MZF1: variants seen among roughly 807,000 people sequenced by gnomAD.
The protein encoded by MZF1 is myeloid zinc finger 1, also known as zinc finger and SCAN domain-containing protein 6.
In MZF1, 24 loss-of-function variants were observed where a neutral mutation model predicts 28.6. The observed-to-expected ratio is 0.84, with a 90% CI of 0.61 to 1.18. The LOEUF (loss-of-function observed/expected upper bound fraction) is 1.18, where lower values mean the gene tolerates loss of function less well. Ranked by LOEUF, MZF1 falls within the 50% of genes most tolerant of loss-of-function variation. The pLI is 0.00. For missense variants in MZF1, 1,166 were observed against 1,026.4 expected, an observed-to-expected ratio of 1.14 and a Z score of -1.86; for synonymous variants, 516 against 432.5, an observed-to-expected ratio of 1.19 and a Z score of -2.40.
Position 58,571,037 on chromosome 19 carries a change from AG to A in MZF1, c.352del (p.Leu118Ter). On this transcript the variant is annotated frameshift_variant, in exon 2 of 6. Coordinates refer to ENST00000215057, the MANE Select transcript of MZF1 (RefSeq NM_198055.2). LOFTEE classifies it high-confidence loss of function. The part of the protein sequence containing the change: ...RPGSPEEAAA[L>X]VDGLRREPGG... ...CGGCTCCCGGCGCAGCCCATCTACTAGGGCAGCAGCCTCCTCGGGGCTGCCT... is the reference window on the plus strand; with the variant it reads ...CGGCTCCCGGCGCAGCCCATCTACTAGGCAGCAGCCTCCTCGGGGCTGCCT... 6.2e-7 allele frequency: 1 copy of A among 1,612,562 alleles called. No individual in the cohort carries two copies.
chr19:58,562,381 C>T lies in MZF1; in HGVS notation c.1896G>A (p.Leu632=). 6.2e-7 allele frequency: 1 copy of T among 1,609,432 alleles called. No homozygotes were observed. Among genetic ancestry groups the T allele is most frequent in the Non-Finnish European group, 8.5e-7 (1 of 1,178,348 alleles). The change falls in exon 6 of 6, where the codon CTG becomes CTA. Residue 632 remains leucine (L), a synonymous_variant. Coordinates refer to ENST00000215057, the MANE Select transcript of MZF1 (RefSeq NM_198055.2). ...EKPYHCGECG[L]GFTQVSRLTE... ...TGAGCCGCGAGACCTGCGTGAAGCC[C>T]AGGCCGCACTCACCGCAGTGGTAGG... is the stretch of plus-strand genomic sequence containing the variant.
intron 2 of MZF1, chr19:58,570,733 G>A (rs188354983): frequency 3.9e-5 from 26 of 665,922 alleles, no homozygotes; most frequent in East Asian, 3.3e-4. Context: ...CTCTGACATC[G>A]TGGCCTTCCA....
Position 58,562,297 on chromosome 19 carries a change from C to G in MZF1, c.1980G>C (p.Gln660His). 6.2e-7 allele frequency: 1 copy of G among 1,609,716 alleles called. No individual in the cohort carries two copies. The highest frequency in any genetic ancestry group is 8.5e-7 in the Non-Finnish European group (1 of 1,178,954). ...TGAGGTTGGCGTGCTGCCGAAAGCT[C>G]TGGCCGCACTCGGGGCAGGCGAAGG... The part of the protein sequence containing the change: ...ERPFACPECG[Q>H]SFRQHANLTQ... The change falls in exon 6 of 6, where the codon CAG becomes CAC. Residue 660 changes from glutamine (Q) to histidine (H), a missense_variant. Physicochemically the swap from Gln to His is conservative, Grantham distance 24. Coordinates refer to ENST00000215057, the MANE Select transcript of MZF1 (RefSeq NM_198055.2).
At chr19:58,565,066 G>A (rs560610936) in intron 5 of MZF1, among the ~76,000 whole-genome samples, 15 of 150,080 alleles carry the variant, frequency 1.0e-4, no homozygotes, top group African/African-American at 1.7e-4. Context: ...GATTATAGGC[G>A]TGCACCACCA....
chr19:58,564,902 G>GTGTTTTT (rs1568680296), intron 5 of MZF1, among the ~76,000 whole-genome samples: 1 of 41,996 alleles, frequency 2.4e-5, no homozygotes, highest in Non-Finnish European at 4.9e-5. Context: ...CCATGTGTGT[G>GTGTTTTT]TTTTTTTTTT....
chr19:58,565,364 G>A (rs1242663428), intron 5 of MZF1, among the ~76,000 whole-genome samples: 11 of 148,022 alleles, frequency 7.4e-5, no homozygotes, highest in Non-Finnish European at 1.3e-4. Context: ...AAAGTGCTGG[G>A]ATTGCAGGCG....
chr19:58,562,974 T>A lies in MZF1; in HGVS notation c.1303A>T (p.Thr435Ser). 6.2e-7 allele frequency: 1 copy of A among 1,601,968 alleles called. No homozygotes were observed. The highest frequency in any genetic ancestry group is 8.5e-7 in the Non-Finnish European group (1 of 1,179,588). Reference protein sequence around the residue: ...ARLEEHRRVHTGEQPFRCAEC... With the variant: ...ARLEEHRRVHSGEQPFRCAEC... ...GCGCAACGGAAAGGCTGTTCGCCCG[T>A]GTGCACTCTCCGATGCTCTTCCAGG... The change falls in exon 6 of 6, where the codon ACG (threonine) becomes TCG (serine). Residue 435 changes from threonine (T) to serine (S), a missense_variant. Physicochemically the swap from Thr to Ser is moderately conservative, Grantham distance 58. Coordinates refer to ENST00000215057, the MANE Select transcript of MZF1 (RefSeq NM_198055.2).
chr19:58,563,322 C>T lies in MZF1; in HGVS notation c.955G>A (p.Asp319Asn). ...CCCACACCCCGGCAGGGATCCTCGT[C>T]CGTGGGGTCCTGTTCACTCCTCAGA... ...SDLRSEQDPTDEDPCRGVGPA... is the reference protein window; with the variant it reads ...SDLRSEQDPTNEDPCRGVGPA... The change falls in exon 6 of 6, where the codon GAC (aspartate) becomes AAC (asparagine). Residue 319 changes from aspartate to asparagine, a missense_variant. Coordinates refer to ENST00000215057, the MANE Select transcript of MZF1 (RefSeq NM_198055.2). 4 of 1,609,152 alleles carry T rather than the reference C, an allele frequency of 2.5e-6. No individual in the cohort carries two copies. The highest frequency in any genetic ancestry group is 3.4e-6 in the Non-Finnish European group (4 of 1,178,208).
At chr19:58,569,785 C>G (rs962072842) in intron 3 of MZF1, 199 bp from the exon 4 acceptor site, 5 of 561,618 alleles carry the variant, frequency 8.9e-6, no homozygotes, top group Non-Finnish European at 1.6e-5. Context: ...AGGGGTTGAG[C>G]TGCAGTGGGA....
chr19:58,563,568 C>T, intron 5 of MZF1, 64 bp from the exon 6 acceptor site: 1 of 1,350,892 alleles, frequency 7.4e-7, no homozygotes, highest in African/African-American at 1.5e-5. Context: ...CCCACTTCAT[C>T]CCTGGGGACA....
intron 3 of MZF1, chr19:58,570,041 C>T (rs1210770186): frequency 2.0e-5 from 7 of 343,524 alleles, no homozygotes; most frequent in Admixed American, 4.4e-5. Context: ...TATTGCCTAA[C>T]GCATCTCCTT....
chr19:58,563,260 C>A lies in MZF1; in HGVS notation c.1017G>T (p.Arg339Ser). ...ALITTRWRSP[R>S]GRSRGRPSTG... ...TGCTGGGGCGGCCCCGGCTCCGGCC[C>A]CTGGGGGAGCGCCAGCGGGTGGTGA... is the stretch of plus-strand genomic sequence containing the variant. Residue 339 changes from arginine to serine, a missense_variant, in exon 6 of 6, where the codon AGG becomes AGT. Physicochemically the swap from Arg to Ser is moderately radical, Grantham distance 110 (BLOSUM62 -1). Transcript: ENST00000215057. 1 of 1,607,274 alleles carries A rather than the reference C, an allele frequency of 6.2e-7. No individual in the cohort carries two copies. The highest frequency in any genetic ancestry group is 8.5e-7 in the Non-Finnish European group (1 of 1,177,366).
At chr19:58,564,953 CTG>C (rs1299721465) in intron 5 of MZF1, among the ~76,000 whole-genome samples, 9 of 102,404 alleles carry the variant, frequency 8.8e-5, no homozygotes, top group African/African-American at 3.4e-4. Flanking sequence ...CTGAGTCTTG[CTG>C]TGTCGCCCAG....
chr19:58,562,537 C>G lies in MZF1; in HGVS notation c.1740G>C (p.Gln580His), dbSNP rs2053949576. 1 of 1,608,030 alleles carries G rather than the reference C, an allele frequency of 6.2e-7. No homozygotes were observed. Among genetic ancestry groups the G allele is most frequent in the Non-Finnish European group, 8.5e-7 (1 of 1,178,214 alleles). The part of the protein sequence containing the change: ...ACAECGKAFR[Q>H]RPTLTQHLRV... Reference sequence around the variant, plus strand: ...GGAGATGCTGCGTGAGCGTAGGCCGCTGGCGGAAGGCCTTGCCACACTCGG... The same window carrying G: ...GGAGATGCTGCGTGAGCGTAGGCCGGTGGCGGAAGGCCTTGCCACACTCGG... The change falls in exon 6 of 6, where the codon CAG becomes CAC. Residue 580 changes from glutamine to histidine, a missense_variant. Coordinates refer to ENST00000215057, the MANE Select transcript of MZF1 (RefSeq NM_198055.2).
chr19:58,564,914 T>TG (rs1568680428), intron 5 of MZF1, among the ~76,000 whole-genome samples: 9 of 70,200 alleles, frequency 1.3e-4, no homozygotes, highest in South Asian at 4.6e-4. Context: ...TTTTTTTTTT[T>TG]TTTTTTTTTT....
Position 58,571,090 on chromosome 19 carries a change from G to T in MZF1, c.300C>A (p.Ile100=), listed in dbSNP as rs761148494. The T allele has an allele frequency of 1.9e-6, 3 of 1,613,740 alleles. No homozygotes were observed. Among genetic ancestry groups the T allele is most frequent in the African/African-American group, 1.3e-5 (1 of 74,942 alleles). The change falls in exon 2 of 6, where the codon ATC becomes ATA. Residue 100 remains isoleucine, a synonymous_variant. Coordinates refer to ENST00000215057, the MANE Select transcript of MZF1 (RefSeq NM_198055.2). ...EQFLGALPPE[I]QARVQGQRPG... is the part of the protein sequence containing the mutation. ...GCCGCTGCCCCTGCACACGGGCCTG[G>T]ATCTCAGGGGGCAGTGCGCCCAGGA...
At position 58,562,823 on chromosome 19, in the gene MZF1, AAGGGGCCGGGAGGCTCGGGCGCACCAGG is replaced by A. The variant is rs2122677109; in HGVS notation, c.1426_1453del (p.Pro476PhefsTer72). 2.6e-6 allele frequency: 4 copies of A among 1,535,772 alleles called. No individual in the cohort carries two copies. Among genetic ancestry groups the A allele is most frequent in the South Asian group, 2.4e-5 (2 of 84,640 alleles). ...GCTCTCGCGGCACTCGCTGCACGGA[AAGGGGCCGGGAGGCTCGGGCGCACCAGG>A]AGGGGCCGGGGGCTTAGCGCCAGGG... On this transcript the variant is annotated frameshift_variant, in exon 6 of 6. Coordinates refer to ENST00000215057, the MANE Select transcript of MZF1 (RefSeq NM_198055.2). LOFTEE classifies it low-confidence loss of function (END_TRUNC).
chr19:58,562,561 G>C lies in MZF1; in HGVS notation c.1716C>G (p.Ala572=), dbSNP rs1227865196. 7 of 1,598,282 alleles carry C rather than the reference G, an allele frequency of 4.4e-6. No homozygotes were observed. Among genetic ancestry groups the C allele is most frequent in the African/African-American group, 1.4e-5 (1 of 73,916 alleles). The stretch of plus-strand genomic sequence containing the variant: ...GCTGGCGGAAGGCCTTGCCACACTC[G>C]GCGCAGGCGAAGGGCCGCTCCCCGG... ...IHTGERPFAC[A]ECGKAFRQRP... Residue 572 remains alanine (A), a synonymous_variant, in exon 6 of 6, where the codon GCC becomes GCG. Coordinates refer to ENST00000215057, the MANE Select transcript of MZF1 (RefSeq NM_198055.2).
Position 58,572,685 on chromosome 19 carries a change from C to T in MZF1, c.-41+370G>A, listed in dbSNP as rs1218292241. 6 of 1,226,986 alleles carry T rather than the reference C, an allele frequency of 4.9e-6. No homozygotes were observed. In the East Asian group the frequency reaches 2.3e-4, roughly 47 times the overall value. The allele number at this position is 1,226,986 out of a possible 1,614,324, so 76.0% of individuals were successfully genotyped here. ...GGCCGCCTCATCCTGGGGGCCAAGC[C>T]TCCACTCTTCAAGGTGCCAAGTCAA... On this transcript the variant is annotated intron_variant, in intron 1 of 5. Coordinates refer to ENST00000215057, the MANE Select transcript of MZF1 (RefSeq NM_198055.2).
Sources: gnomAD v4.1 joint callset for allele counts (sites outside exome capture counted in the v4.1 genomes callset) on GRCh38, gnomAD v4.1.1 for gene constraint, MANE v1.5 for transcripts, NCBI Gene and HGNC (gene_info 2026-07-23, HGNC 2026-07-21) for gene names.